Variants in TENM1 observed in about 807,000 individuals in gnomAD.
TENM1 encodes teneurin transmembrane protein 1.
A neutral mutation model predicts 174.8 loss-of-function variants in TENM1; 35 were observed. That is an observed-to-expected ratio of 0.20 (90% CI 0.15 to 0.27). The LOEUF (loss-of-function observed/expected upper bound fraction) is 0.27, where lower values mean the gene tolerates loss of function less well. Ranked by LOEUF, TENM1 falls within the 10% of genes least tolerant of loss-of-function variation. The pLI is 1.00. For missense variants in TENM1, 1,633 were observed against 2,130.1 expected, an observed-to-expected ratio of 0.77 and a Z score of 4.59; for synonymous variants, 781 against 798.7, an observed-to-expected ratio of 0.98 and a Z score of 0.37.
intron 3 of TENM1, among the ~76,000 whole-genome samples, chrX:124,783,460 T>A (rs201038797): frequency 8.9e-6 from 1 of 112,006 alleles, no homozygotes; most frequent in Non-Finnish European, 1.9e-5. Flanking sequence ...ATTTTTATGA[T>A]AAGCATGTGT....
chrX:124,594,139 CT>C lies in TENM1; in HGVS notation c.2078-28580del, dbSNP rs773401672. ...GCTTGGGCAAAACAAAGTGCTTTCC[CT>C]TGGCCTAGGTTGTTCAGATCCACTG... On this transcript the variant is annotated intron_variant, in intron 11 of 31. Coordinates refer to ENST00000422452, the Ensembl canonical transcript of TENM1. 1.9e-3 allele frequency among the ~76,000 whole-genome samples: 212 copies of C among 111,702 alleles called. 1 individual carries two copies. Among genetic ancestry groups the C allele is most frequent in the Non-Finnish European group, 3.1e-3 (165 of 53,133 alleles).
At chrX:125,159,009 A>C in the TENM1 span, among the ~76,000 whole-genome samples, 1 of 111,115 alleles carries the variant, frequency 9.0e-6, no homozygotes, top group Non-Finnish European at 1.9e-5. Flanking sequence ...TGTATAGCAG[A>C]GTAAAGGCAG....
chrX:125,074,924 G>A, the TENM1 span, among the ~76,000 whole-genome samples: 1 of 112,092 alleles, frequency 8.9e-6, no homozygotes, highest in African/African-American at 3.2e-5. Flanking sequence ...AAAAGCTACT[G>A]TTAGTTGAGC....
At chrX:124,847,799 C>A (rs1485681868) in intron 3 of TENM1, among the ~76,000 whole-genome samples, 1 of 111,583 alleles carries the variant, frequency 9.0e-6, no homozygotes, top group East Asian at 2.8e-4. Context: ...TCTGAGTAGG[C>A]TTTGTAATCA....
At chrX:124,866,576 A>T (rs2057011589) in intron 3 of TENM1, among the ~76,000 whole-genome samples, 1 of 111,476 alleles carries the variant, frequency 9.0e-6, no homozygotes, top group Non-Finnish European at 1.9e-5. Context: ...TCAAATTAAC[A>T]ATCTAACCAT....
the TENM1 span, among the ~76,000 whole-genome samples, chrX:125,081,882 T>G: frequency 9.0e-6 from 1 of 110,978 alleles, no homozygotes; most frequent in African/African-American, 3.3e-5. Flanking sequence ...TTGAGTGAAA[T>G]GAGACAGACA....
intron 20 of TENM1, among the ~76,000 whole-genome samples, chrX:124,490,346 C>T (rs1014638211): frequency 1.7e-4 from 19 of 111,430 alleles, no homozygotes; most frequent in Admixed American, 2.9e-4. Context: ...AGCTCCAATG[C>T]TGTTGACAAG....
chrX:125,035,204 T>C, the TENM1 span, among the ~76,000 whole-genome samples: 1 of 111,231 alleles, frequency 9.0e-6, no homozygotes, highest in African/African-American at 3.3e-5. Flanking sequence ...TAAAGGCCAG[T>C]GCTGGTCTTC....
At chrX:124,804,162 A>G (rs2055528792) in intron 3 of TENM1, among the ~76,000 whole-genome samples, 1 of 112,234 alleles carries the variant, frequency 8.9e-6, no homozygotes, top group Non-Finnish European at 1.9e-5. Flanking sequence ...GCAATTTTAA[A>G]GAGACCTGCC....
chrX:124,651,096 A>G (rs1390032779), intron 8 of TENM1, among the ~76,000 whole-genome samples: 1 of 112,058 alleles, frequency 8.9e-6, no homozygotes, highest in East Asian at 2.8e-4. Flanking sequence ...GACAGCTGTA[A>G]AATATTTTCT....
exon 24 of TENM1, chrX:124,422,615 G>C (rs1422608935): frequency 2.5e-6 from 3 of 1,207,230 alleles, no homozygotes; most frequent in Non-Finnish European, 3.4e-6. Context: ...TTACTGCAAG[G>C]TCTGTTGGCC....
At chrX:125,191,342 T>C in the TENM1 span, among the ~76,000 whole-genome samples, 1 of 111,858 alleles carries the variant, frequency 8.9e-6, no homozygotes, top group Non-Finnish European at 1.9e-5. Context: ...GATATGGATA[T>C]AGTAGTGAGC....
At chrX:124,701,372 C>T (rs1165065155) in intron 5 of TENM1, among the ~76,000 whole-genome samples, 1 of 111,640 alleles carries the variant, frequency 9.0e-6, no homozygotes, top group African/African-American at 3.3e-5. Context: ...AATCTGCTGA[C>T]TGTGAAGAAA....
chrX:124,610,518 A>G (rs766973100), intron 11 of TENM1, among the ~76,000 whole-genome samples: 1 of 111,194 alleles, frequency 9.0e-6, no homozygotes, highest in East Asian at 2.8e-4. Flanking sequence ...TGTCAACTCA[A>G]CTCTTTGATT....
chrX:125,157,343 T>C, the TENM1 span, among the ~76,000 whole-genome samples: 2 of 112,184 alleles, frequency 1.8e-5, no homozygotes, highest in Non-Finnish European at 3.8e-5. Flanking sequence ...TTTAACTAGA[T>C]TGATGTGTCA....
chrX:124,825,158 CTTTT>C (rs745471230), intron 3 of TENM1, among the ~76,000 whole-genome samples: 3 of 60,993 alleles, frequency 4.9e-5, no homozygotes, highest in African/African-American at 1.9e-4. Context: ...AGCTGACTTT[CTTTT>C]TTTTTTTTTT....
the TENM1 span, among the ~76,000 whole-genome samples, chrX:125,135,964 A>G: frequency 9.0e-6 from 1 of 111,054 alleles, no homozygotes; most frequent in Admixed American, 9.5e-5. Flanking sequence ...AGGTAAATAG[A>G]CATGAGTTCT....
chrX:124,646,669 C>T, intron 9 of TENM1, 40 bp downstream of exon 12: 7 of 974,668 alleles, frequency 7.2e-6, no homozygotes, highest in Non-Finnish European at 8.7e-6. Flanking sequence ...GAAATCACAT[C>T]TATTTTCCTA....
At chrX:124,559,597 G>A (rs1166337203) in intron 14 of TENM1, among the ~76,000 whole-genome samples, 1 of 110,665 alleles carries the variant, frequency 9.0e-6, no homozygotes, top group African/African-American at 3.3e-5. Flanking sequence ...GAGCTCCAGA[G>A]GCAGAGGTTG....
Sources: allele counts gnomAD v4.1 joint callset (sites outside exome capture counted in the v4.1 genomes callset), GRCh38; gene constraint gnomAD v4.1.1; transcripts MANE v1.5; gene names NCBI Gene and HGNC (gene_info 2026-07-23, HGNC 2026-07-21).